MAGI2: variants seen among roughly 807,000 people sequenced by gnomAD.
The protein encoded by MAGI2 is membrane associated guanylate kinase, WW and PDZ domain containing 2, also known as membrane-associated guanylate kinase, WW and PDZ domain-containing protein 2.
A neutral mutation model predicts 133.3 loss-of-function variants in MAGI2; 35 were observed. The ratio of observed to expected loss-of-function variants is 0.26; its 90% confidence interval spans 0.20 to 0.35. The LOEUF is 0.35. MAGI2 is among the 10% of genes least tolerant of loss of function. MAGI2 has a pLI of 1.00. For missense variants in MAGI2, 1,636 were observed against 1,863.4 expected, an observed-to-expected ratio of 0.88 and a Z score of 2.25; for synonymous variants, 729 against 710.6, an observed-to-expected ratio of 1.03 and a Z score of -0.41.
intron 10 of MAGI2, among the ~76,000 whole-genome samples, chr7:78,239,037 A>G (rs1458056896): frequency 7.2e-6 from 1 of 138,692 alleles, no homozygotes; most frequent in African/African-American, 2.5e-5. Flanking sequence ...TGCATGGGCA[A>G]TTCTATCCTG....
chr7:79,294,590 T>C (rs1159508127), intron 1 of MAGI2, among the ~76,000 whole-genome samples: 3 of 152,116 alleles, frequency 2.0e-5, no homozygotes, highest in African/African-American at 4.8e-5. Flanking sequence ...GTAGACAGTC[T>C]AGGATATCTT....
intron 2 of MAGI2, among the ~76,000 whole-genome samples, chr7:78,906,419 A>G (rs908345940): frequency 6.6e-6 from 1 of 152,218 alleles, no homozygotes; most frequent in Non-Finnish European, 1.5e-5. Flanking sequence ...TCTCTCGTCT[A>G]TCATCATCCT....
chr7:78,838,877 G>C (rs1223254965), intron 2 of MAGI2, among the ~76,000 whole-genome samples: 2 of 151,936 alleles, frequency 1.3e-5, no homozygotes, highest in Non-Finnish European at 2.9e-5. Context: ...ATTTATATAG[G>C]AGAATCAGAT....
At chr7:78,076,903 A>G (rs1241185131) in intron 21 of MAGI2, among the ~76,000 whole-genome samples, 3 of 150,200 alleles carry the variant, frequency 2.0e-5, no homozygotes, top group African/African-American at 7.3e-5. Context: ...TAATGTTGAC[A>G]CGATCTTGAA....
At chr7:78,353,234 G>A (rs1029881060) in intron 7 of MAGI2, among the ~76,000 whole-genome samples, 1 of 152,202 alleles carries the variant, frequency 6.6e-6, no homozygotes, top group Admixed American at 6.5e-5. Flanking sequence ...TTCTGTATTA[G>A]AGACAAGACT....
chr7:78,211,425 A>G (rs939313277), intron 10 of MAGI2, among the ~76,000 whole-genome samples: 60 of 152,324 alleles, frequency 3.9e-4, no homozygotes, highest in African/African-American at 1.4e-3. Flanking sequence ...CTTGGGTTCT[A>G]GTCCCAGCTC....
chr7:78,074,186 G>C (rs1000290203), intron 21 of MAGI2, among the ~76,000 whole-genome samples: 1 of 152,048 alleles, frequency 6.6e-6, no homozygotes, highest in Admixed American at 6.6e-5. Flanking sequence ...TTAGTCTTTG[G>C]GTAATTAGAG....
chr7:78,196,835 T>C (rs1263081338), intron 11 of MAGI2, among the ~76,000 whole-genome samples: 1 of 152,230 alleles, frequency 6.6e-6, no homozygotes, highest in Non-Finnish European at 1.5e-5. Flanking sequence ...AAAGTTTCTA[T>C]AACTGTCAAG....
chr7:79,216,533 C>A (rs116860543), intron 1 of MAGI2, among the ~76,000 whole-genome samples: 1 of 151,950 alleles, frequency 6.6e-6, no homozygotes. Context: ...ACTTGAGCTT[C>A]GCAAGTTGCA....
At chr7:78,994,980 C>G (rs979908447) in intron 2 of MAGI2, among the ~76,000 whole-genome samples, 4 of 151,876 alleles carry the variant, frequency 2.6e-5, no homozygotes, top group Admixed American at 2.6e-4. Flanking sequence ...GATTAGAATT[C>G]AGGTTATGAA....
intron 9 of MAGI2, among the ~76,000 whole-genome samples, chr7:78,293,294 C>G (rs2151047925): frequency 6.6e-6 from 1 of 152,276 alleles, no homozygotes; most frequent in South Asian, 2.1e-4. Context: ...AGACACTTCT[C>G]AAAGGAAGAC....
intron 3 of MAGI2, among the ~76,000 whole-genome samples, chr7:78,547,867 G>A (rs528263437): frequency 6.6e-6 from 1 of 152,300 alleles, no homozygotes; most frequent in African/African-American, 2.4e-5. Context: ...GTGAACTGAT[G>A]TTATCCAATG....
chr7:78,199,396 C>G (rs1158024101), intron 11 of MAGI2, among the ~76,000 whole-genome samples: 1 of 152,194 alleles, frequency 6.6e-6, no homozygotes, highest in Non-Finnish European at 1.5e-5. Flanking sequence ...TTTTCAAGCT[C>G]AACATGTAGA....
intron 1 of MAGI2, among the ~76,000 whole-genome samples, chr7:79,054,877 G>A (rs952721045): frequency 2.6e-5 from 4 of 152,104 alleles, no homozygotes; most frequent in South Asian, 2.1e-4. Context: ...CATAACCTCC[G>A]CCTCCCAGGT....
At chr7:78,207,171 C>T (rs562280860) in intron 10 of MAGI2, among the ~76,000 whole-genome samples, 54 of 152,056 alleles carry the variant, frequency 3.6e-4, no homozygotes, top group Middle Eastern at 3.4e-3. Context: ...CCTGTGATGC[C>T]CTGCTGGAAG....
chr7:78,231,105 T>C (rs1309807116), intron 10 of MAGI2, among the ~76,000 whole-genome samples: 1 of 152,200 alleles, frequency 6.6e-6, no homozygotes, highest in Admixed American at 6.5e-5. Flanking sequence ...GATGTTAAAA[T>C]GTAGATAATG....
intron 2 of MAGI2, among the ~76,000 whole-genome samples, chr7:78,752,373 T>C (rs560572216): frequency 8.5e-5 from 13 of 152,128 alleles, no homozygotes; most frequent in African/African-American, 2.6e-4. Flanking sequence ...GAGGCCGAGG[T>C]AGGTGGATCA....
chr7:78,772,685 C>T (rs760325003), intron 2 of MAGI2, among the ~76,000 whole-genome samples: 8 of 152,086 alleles, frequency 5.3e-5, no homozygotes, highest in African/African-American at 7.2e-5. Flanking sequence ...CAAAGCTTTA[C>T]CTTGCATGGA....
chr7:78,142,854 C>T lies in MAGI2; in HGVS notation c.2846-7648G>A, dbSNP rs149389898. On this transcript the variant is annotated intron_variant, in intron 16 of 21. Coordinates refer to ENST00000354212, the MANE Select transcript of MAGI2 (RefSeq NM_012301.4). ...AAAAACATTTCCATTTGTAGATACACCTCTTTTCTTCCGTAGCAATACTTT... is the reference window on the plus strand; with the variant it reads ...AAAAACATTTCCATTTGTAGATACATCTCTTTTCTTCCGTAGCAATACTTT... Among the ~76,000 whole-genome samples the T allele has an allele frequency of 5.3e-3, 802 of 152,254 alleles. 10 individuals carry two copies. Among genetic ancestry groups the T allele is most frequent in the African/African-American group, 0.018 (749 of 41,566 alleles).
Sources: gnomAD v4.1 joint callset for allele counts (sites outside exome capture counted in the v4.1 genomes callset) on GRCh38, gnomAD v4.1.1 for gene constraint, MANE v1.5 for transcripts, NCBI Gene and HGNC (gene_info 2026-07-23, HGNC 2026-07-21) for gene names.